SLC35F1: variants seen among roughly 807,000 people sequenced by gnomAD.
SLC35F1 encodes chromosome 6 open reading frame 169.
Under a neutral mutation model 48.7 loss-of-function variants are expected in SLC35F1, and 14 were observed. The ratio of observed to expected loss-of-function variants is 0.29; its 90% CI spans 0.19 to 0.45. SLC35F1 has a LOEUF of 0.45. SLC35F1 is among the 20% of genes least tolerant of loss of function. The pLI is 1.00. For missense variants in SLC35F1, 404 were observed against 500.0 expected (o/e 0.81, Z 1.83); for synonymous variants, 190 against 202.2 (o/e 0.94, Z 0.51).
At chr6:118,028,132 A>T (rs1423451359) in intron 1 of SLC35F1, among the ~76,000 whole-genome samples, 1 of 152,092 alleles carries the variant, frequency 6.6e-6, no homozygotes. Context: ...TAGATACCTG[A>T]ATTTTTTATT....
At chr6:118,184,053 G>A (rs1161101572) in intron 2 of SLC35F1, among the ~76,000 whole-genome samples, 1 of 152,134 alleles carries the variant, frequency 6.6e-6, no homozygotes, top group Non-Finnish European at 1.5e-5. Flanking sequence ...CTTGCCCTGG[G>A]TACTTGTTCA....
intron 1 of SLC35F1, chr6:117,999,019 A>G (rs935636473): frequency 1.4e-6 from 2 of 1,433,918 alleles, no homozygotes; most frequent in Non-Finnish European, 1.9e-6. Context: ...AGTCCCGAAA[A>G]TGGCACAGAA....
chr6:117,995,136 T>A (rs1776968526), intron 1 of SLC35F1, among the ~76,000 whole-genome samples: 2 of 152,206 alleles, frequency 1.3e-5, no homozygotes, highest in African/African-American at 4.8e-5. Context: ...TCACAGAATT[T>A]ACTATTTTGC....
intron 1 of SLC35F1, among the ~76,000 whole-genome samples, chr6:118,077,560 T>G (rs893869120): frequency 1.1e-4 from 16 of 152,202 alleles, no homozygotes; most frequent in African/African-American, 3.9e-4. Context: ...CAGTAAGACT[T>G]TGGGGGATTT....
intron 1 of SLC35F1, among the ~76,000 whole-genome samples, chr6:117,911,407 C>T (rs1775761170): frequency 9.9e-6 from 1 of 101,258 alleles, no homozygotes; most frequent in Non-Finnish European, 1.8e-5. Context: ...CCTCCCCTCC[C>T]TCCCTCCCTC....
intron 2 of SLC35F1, among the ~76,000 whole-genome samples, chr6:118,215,155 G>A (rs1331642931): frequency 1.3e-5 from 2 of 151,592 alleles, no homozygotes; most frequent in African/African-American, 4.8e-5. Context: ...GAAAACCTGG[G>A]GAAAAAAAAA....
chr6:118,261,236 A>C (rs1582757416), intron 3 of SLC35F1, among the ~76,000 whole-genome samples: 2 of 152,202 alleles, frequency 1.3e-5, no homozygotes, highest in East Asian at 3.9e-4. Flanking sequence ...GTATCCAGTC[A>C]ATATCATACT....
intron 2 of SLC35F1, among the ~76,000 whole-genome samples, chr6:118,233,777 C>T (rs1775326968): frequency 6.6e-6 from 1 of 152,188 alleles, no homozygotes; most frequent in Non-Finnish European, 1.5e-5. Flanking sequence ...AGAAGGGCTA[C>T]ATTTTGAAAA....
At chr6:118,262,767 C>T (rs1775728338) in intron 3 of SLC35F1, among the ~76,000 whole-genome samples, 1 of 152,128 alleles carries the variant, frequency 6.6e-6, no homozygotes, top group Non-Finnish European at 1.5e-5. Context: ...AAACTTAATG[C>T]AACCAACTGT....
rs1215141901 is a variant in SLC35F1, at chr6:117,923,618, T to TACGTATAC, written c.173+15719_173+15720insACGTATAC. The stretch of plus-strand genomic sequence containing the variant: ...ATATGTGTATATATACATATACATA[T>TACGTATAC]GTATATATACATATATGTACATATG... On this transcript the variant is annotated intron_variant, in intron 1 of 7. Transcript: ENST00000360388. Among the ~76,000 whole-genome samples the TACGTATAC allele has an allele frequency of 3.8e-4, 10 of 26,060 alleles. 2 individuals are homozygous for TACGTATAC. Among genetic ancestry groups the TACGTATAC allele is most frequent in the African/African-American group, 1.4e-3 (6 of 4,282 alleles). The allele number at this position is 26,060 out of a possible 152,430, so 17.1% of individuals were successfully genotyped here.
chr6:118,070,130 G>A (rs1321473655), intron 1 of SLC35F1, among the ~76,000 whole-genome samples: 3 of 100,674 alleles, frequency 3.0e-5, no homozygotes, highest in Admixed American at 1.6e-4. Flanking sequence ...GCGACAGAGC[G>A]AGACTCCGTC....
intron 1 of SLC35F1, among the ~76,000 whole-genome samples, chr6:118,130,488 G>C: frequency 6.6e-6 from 1 of 151,908 alleles, no homozygotes; most frequent in Middle Eastern, 3.4e-3. Flanking sequence ...CAAAACAAAC[G>C]AACAAACAAA....
chr6:118,278,484 A>G (rs1775944454), intron 6 of SLC35F1, among the ~76,000 whole-genome samples: 1 of 152,198 alleles, frequency 6.6e-6, no homozygotes, highest in Non-Finnish European at 1.5e-5. Context: ...CCCTAAGCAT[A>G]TGAGGCCAAC....
At chr6:117,938,962 T>C (rs1323875309) in intron 1 of SLC35F1, among the ~76,000 whole-genome samples, 1 of 151,658 alleles carries the variant, frequency 6.6e-6, no homozygotes, top group Non-Finnish European at 1.5e-5. Flanking sequence ...TTCCTTTTAC[T>C]TCCGAAGTTC....
chr6:117,914,792 T>C (rs1230724903), intron 1 of SLC35F1, among the ~76,000 whole-genome samples: 1 of 152,214 alleles, frequency 6.6e-6, no homozygotes, highest in Non-Finnish European at 1.5e-5. Flanking sequence ...TTAGGAAAAC[T>C]GCCCAGGTAG....
At chr6:117,930,616 G>A (rs1776088077) in intron 1 of SLC35F1, among the ~76,000 whole-genome samples, 1 of 152,116 alleles carries the variant, frequency 6.6e-6, no homozygotes, top group Non-Finnish European at 1.5e-5. Context: ...AGGTAATAGT[G>A]TGACCTAATG....
At chr6:118,099,161 A>G (rs1185150552) in intron 1 of SLC35F1, among the ~76,000 whole-genome samples, 2 of 152,220 alleles carry the variant, frequency 1.3e-5, no homozygotes, top group African/African-American at 2.4e-5. Context: ...TGGCAGTGCC[A>G]TGATGTCAGG....
In SLC35F1 at chr6:118,315,453, T is replaced by G. The variant is rs1455152586; in HGVS notation, c.*1201T>G. On this transcript the variant is annotated 3_prime_UTR_variant, in exon 8 of 8. Transcript: ENST00000360388. The stretch of plus-strand genomic sequence containing the variant: ...ACATTCTTTTTTTTTTTTTTTTTTT[T>G]TTTTGAGACGGAGTCTCACTCTGTC... 6.8e-6 allele frequency: 1 copy of G among 147,948 alleles called. No homozygotes were observed. Among genetic ancestry groups the G allele is most frequent in the Admixed American group, 6.7e-5 (1 of 14,864 alleles). 9.2% of individuals were successfully genotyped at this position (147,948 alleles called of 1,614,324 possible). A position where few individuals can be genotyped will look rare whatever the true frequency, so the allele number is the denominator to read the frequency against.
At chr6:118,090,585 G>A (rs914716616) in intron 1 of SLC35F1, among the ~76,000 whole-genome samples, 2 of 152,118 alleles carry the variant, frequency 1.3e-5, no homozygotes, top group African/African-American at 4.8e-5. Context: ...GGGGAGCATG[G>A]GCTTGCCATA....
Sources: allele counts gnomAD v4.1 joint callset (sites outside exome capture counted in the v4.1 genomes callset), GRCh38; gene constraint gnomAD v4.1.1; transcripts MANE v1.5; gene names NCBI Gene and HGNC (gene_info 2026-07-23, HGNC 2026-07-21).